GLUL: variants seen among roughly 807,000 people sequenced by gnomAD.
GLUL encodes glutamine synthetase.
A neutral mutation model predicts 36.9 loss-of-function variants in GLUL; 8 were observed. That is an observed-to-expected ratio of 0.22 (90% CI 0.13 to 0.39). The LOEUF is 0.39. Among genes scored for constraint, GLUL ranks in the 10% least tolerant of loss-of-function variants. GLUL has a pLI of 1.00. For missense variants in GLUL, 315 were observed against 501.8 expected, an observed-to-expected ratio of 0.63 and a Z score of 3.56; for synonymous variants, 182 against 172.8, an observed-to-expected ratio of 1.05 and a Z score of -0.42.
intron 1 of GLUL, chr1:182,391,396 G>C (rs990587818): frequency 2.5e-6 from 1 of 396,048 alleles, no homozygotes. Flanking sequence ...CGCTTCGGCC[G>C]CAAGTAGTGA....
chr1:182,386,207 CACAGTTAG>C, intron 4 of GLUL, 41 bp downstream of exon 4: 2 of 1,558,128 alleles, frequency 1.3e-6, no homozygotes, highest in South Asian at 1.1e-5. Context: ...GGCATTCCTG[CACAGTTAG>C]ACACTTCTGG....
rs1650059898 is a variant in GLUL at position 182,384,147 on chromosome 1, T to TCCCCA, written c.*253_*257dup. ...ATTAAATGGAAGCAGTGGTTATGTC[T>TCCCCA]CCCCACCCTCCTCCCCACTAATGCA... On this transcript the variant is annotated 3_prime_UTR_variant, in exon 7 of 7. Transcript: ENST00000331872. The TCCCCA allele has an allele frequency of 4.2e-6, 2 of 470,634 alleles. No homozygotes were observed. Among genetic ancestry groups the TCCCCA allele is most frequent in the Admixed American group, 6.7e-5 (2 of 29,844 alleles). 29.2% of individuals were successfully genotyped at this position (470,634 alleles called of 1,614,324 possible).
chr1:182,384,871 C>A (rs1650104494), intron 6 of GLUL, 148 bp from the exon 7 acceptor site: 2 of 695,942 alleles, frequency 2.9e-6, no homozygotes, highest in South Asian at 1.5e-5. Context: ...GTGGTGAGAA[C>A]AGTGCCCGAC....
chr1:182,387,159 T>C lies in GLUL; in HGVS notation c.300A>G (p.Glu100=), dbSNP rs767643850. ...CAGGCCTTCGATTGTACTTGAAAAC[T>C]TCACATAACACCAGCTTGTTAGGGT... ...RKDPNKLVLC[E]VFKYNRRPAE... is the part of the protein sequence containing the mutation. Residue 100 remains glutamate, a synonymous_variant, in exon 3 of 7, where the codon GAA becomes GAG. Transcript: ENST00000331872. 5 of 1,613,836 alleles carry C rather than the reference T, an allele frequency of 3.1e-6. No homozygotes were observed. Among genetic ancestry groups the C allele is most frequent in the Non-Finnish European group, 4.2e-6 (5 of 1,179,890 alleles).
chr1:182,380,451 C>A lies in GLUL; in HGVS notation c.*3954G>T, dbSNP rs756378426. ...GCCTCCTGATAGCTGAGACTACAGG[C>A]GTGCAATTTAAAAAAAAATTATTTT... On this transcript the variant is annotated 3_prime_UTR_variant, in exon 7 of 7. Transcript: ENST00000331872. Among the ~76,000 whole-genome samples the A allele has an allele frequency of 1.3e-5, 2 of 151,892 alleles. No individual in the cohort carries two copies. The highest frequency in any genetic ancestry group is 2.9e-5 in the Non-Finnish European group (2 of 67,984).
rs775388317 is a variant in GLUL at position 182,387,145 on chromosome 1, T to C, written c.314A>G (p.Asn105Ser). The change falls in exon 3 of 7, where the codon AAT (asparagine) becomes AGT (serine). Residue 105 changes from asparagine (N) to serine (S), a missense_variant. By Grantham distance (46) the Asn-to-Ser change is conservative (BLOSUM62 1). Coordinates refer to ENST00000331872, the MANE Select transcript of GLUL (RefSeq NM_001033044.4). The part of the protein sequence containing the change: ...KLVLCEVFKY[N>S]RRPAETNLRH... ...CTATAACACACCTGCAGGCCTTCGA[T>C]TGTACTTGAAAACTTCACATAACAC... is the stretch of plus-strand genomic sequence containing the variant. 7 of 1,613,672 alleles carry C rather than the reference T, an allele frequency of 4.3e-6. No homozygotes were observed. Among genetic ancestry groups the C allele is most frequent in the Middle Eastern group, 1.6e-4 (1 of 6,080 alleles).
chr1:182,387,145 T>G lies in GLUL; in HGVS notation c.314A>C (p.Asn105Thr), dbSNP rs775388317. Reference sequence around the variant, plus strand: ...CTATAACACACCTGCAGGCCTTCGATTGTACTTGAAAACTTCACATAACAC... The same window carrying G: ...CTATAACACACCTGCAGGCCTTCGAGTGTACTTGAAAACTTCACATAACAC... ...KLVLCEVFKY[N>T]RRPAETNLRH... The change falls in exon 3 of 7, where the codon AAT becomes ACT. Residue 105 changes from asparagine (N) to threonine (T), a missense_variant. By Grantham distance (65) the Asn-to-Thr change is moderately conservative. Around this residue, in one of 3 missense-constraint regions of GLUL, gnomAD observed 256 missense variants for 396.1 expected, o/e 0.65. Transcript: ENST00000331872. The G allele has an allele frequency of 1.9e-6, 3 of 1,613,790 alleles. No homozygotes were observed. The highest frequency in any genetic ancestry group is 2.5e-6 in the Non-Finnish European group (3 of 1,179,722).
chr1:182,388,786 C>T (rs746416657), intron 1 of GLUL, 36 bp from the exon 2 acceptor site: 109 of 1,517,486 alleles, frequency 7.2e-5, no homozygotes, highest in Non-Finnish European at 9.9e-5. Context: ...TGTTAACGCC[C>T]ACTCCAAACT....
chr1:182,385,080 G>T, intron 6 of GLUL: 1 of 219,602 alleles, frequency 4.6e-6, no homozygotes, highest in Admixed American at 5.1e-5. Context: ...TTTATATAAT[G>T]ATATATGACT....
rs779616294 is a variant in GLUL at position 182,387,332 on chromosome 1, G to A, written c.167-40C>T. 7.2e-6 allele frequency: 11 copies of A among 1,517,890 alleles called. 1 individual carries two copies. In the East Asian group the frequency reaches 2.0e-4, roughly 28 times the overall value. 94.0% of individuals were successfully genotyped at this position (1,517,890 alleles called of 1,614,324 possible). Reference sequence around the variant, plus strand: ...GGGAAAATTACATTTAAAACATACAGGAGCTTTCCAAGCAATGCAAATACA... The same window carrying A: ...GGGAAAATTACATTTAAAACATACAAGAGCTTTCCAAGCAATGCAAATACA... On this transcript the variant is annotated intron_variant, in intron 2 of 6. Transcript: ENST00000331872.
Position 182,384,063 on chromosome 1 carries a change from A to T in GLUL, c.*342T>A, listed in dbSNP as rs9347. 182,080 of 319,868 alleles carry T rather than the reference A, an allele frequency of 0.57. 53,865 individuals carry two copies. The highest frequency in any genetic ancestry group is 0.83 in the East Asian group (11,151 of 13,372). 19.8% of individuals were successfully genotyped at this position (319,868 alleles called of 1,614,324 possible). On this transcript the variant is annotated 3_prime_UTR_variant, in exon 7 of 7. Transcript: ENST00000331872. ...CCCTTTCAGCTACCTGGAAGAAGAGACCCCCTTCTGCAAACGTGCTCTGTC... is the reference window on the plus strand; with the variant it reads ...CCCTTTCAGCTACCTGGAAGAAGAGTCCCCCTTCTGCAAACGTGCTCTGTC...
chr1:182,388,463 C>G, intron 2 of GLUL, 109 bp downstream of exon 2: 1 of 986,906 alleles, frequency 1.0e-6, no homozygotes, highest in Non-Finnish European at 1.6e-6. Context: ...CTTAGAAAAC[C>G]TTTACAAACA....
In GLUL at chr1:182,379,314, C is replaced by A. The variant is rs1649843889; in HGVS notation, c.*5091G>T. On this transcript the variant is annotated 3_prime_UTR_variant, in exon 7 of 7. Transcript: ENST00000331872. ...CTTTGCTTACTGTAACCTCTGCCTC[C>A]CTGGCTCCAGCGATCCTCCTGCCTC... Among the ~76,000 whole-genome samples, 2 of 151,052 alleles carry A rather than the reference C, an allele frequency of 1.3e-5. No homozygotes were observed. The highest frequency in any genetic ancestry group is 4.9e-5 in the African/African-American group (2 of 41,094).
At chr1:182,385,611 G>T in intron 5 of GLUL, 55 bp from the exon 6 acceptor site, 1 of 1,567,782 alleles carries the variant, frequency 6.4e-7, no homozygotes, top group Non-Finnish European at 8.8e-7. Context: ...CTCCAACTCA[G>T]AATCTCCTAA....
rs552417488 is a variant in GLUL at position 182,381,685 on chromosome 1, T to G, written c.*2720A>C. On this transcript the variant is annotated 3_prime_UTR_variant, in exon 7 of 7. Coordinates refer to ENST00000331872, the MANE Select transcript of GLUL (RefSeq NM_001033044.4). ...CATTTTGTCATGGAATTGATTACAA[T>G]GAACAAAATCCAAAGTGCTCAGGTC... 6.6e-6 allele frequency: 1 copy of G among 152,156 alleles called. No individual in the cohort carries two copies. The highest frequency in any genetic ancestry group is 2.4e-5 in the African/African-American group (1 of 41,416). 9.4% of individuals were successfully genotyped at this position (152,156 alleles called of 1,614,324 possible).
rs1650149686 is a variant in GLUL at position 182,385,748 on chromosome 1, A to G, written c.603+12T>C. On this transcript the variant is annotated intron_variant, in intron 5 of 6. Transcript: ENST00000331872. The stretch of plus-strand genomic sequence containing the variant: ...CTACCCTTCTTCATTGATGGATTGG[A>G]GCTATACTTACCTGGGCAGGCATGA... 2 of 1,613,948 alleles carry G rather than the reference A, an allele frequency of 1.2e-6. No homozygotes were observed. Among genetic ancestry groups the G allele is most frequent in the Non-Finnish European group, 1.7e-6 (2 of 1,179,942 alleles).
chr1:182,390,608 CG>C, intron 1 of GLUL: 1 of 399,332 alleles, frequency 2.5e-6, no homozygotes, highest in Non-Finnish European at 4.4e-6. Context: ...GTCCAAGCAC[CG>C]GAGCTTTCTG....
At chr1:182,389,361 C>T (rs1650313896) in intron 1 of GLUL, 1 of 154,892 alleles carries the variant, frequency 6.5e-6, no homozygotes, top group African/African-American at 2.4e-5. Context: ...CAAAAGAAAA[C>T]TCATTACACA....
chr1:182,385,605 A>G (rs752166744), intron 5 of GLUL, 49 bp from the exon 6 acceptor site: 2 of 1,573,668 alleles, frequency 1.3e-6, no homozygotes, highest in Non-Finnish European at 1.7e-6. Flanking sequence ...TGCTCACTCC[A>G]ACTCAGAATC....
Sources: gnomAD v4.1 joint callset for allele counts (sites outside exome capture counted in the v4.1 genomes callset) on GRCh38, gnomAD v4.1.1 for gene constraint, gnomAD v4.1.1 regional missense constraint, MANE v1.5 for transcripts, NCBI Gene and HGNC (gene_info 2026-07-23, HGNC 2026-07-21) for gene names.